NEB: variants seen among roughly 807,000 people sequenced by gnomAD.
NEB encodes the protein nebulin.
In NEB, 512 loss-of-function variants were observed where a neutral mutation model predicts 952.2. That is an observed-to-expected ratio of 0.54 (90% confidence interval 0.50 to 0.58). NEB has a LOEUF of 0.58. Among genes scored for constraint, NEB ranks in the 20% least tolerant of loss-of-function variants. The probability of loss-of-function intolerance (pLI) is 0.00; values close to 1 mark genes in which losing one functional copy is unlikely to be tolerated. For missense variants in NEB, 8,428 were observed against 9,231.1 expected (o/e 0.91, Z 3.56); for synonymous variants, 2,900 against 3,149.8 (o/e 0.92, Z 2.66).
chr2:151,553,985 A>G lies in NEB; in HGVS notation c.19469T>C (p.Ile6490Thr). The change falls in exon 126 of 182, where the codon ATC becomes ACC. Residue 6490 changes from isoleucine (I) to threonine (T), a missense_variant. Coordinates refer to ENST00000397345, the MANE Select transcript of NEB (RefSeq NM_001164508.2). ...RSVYEKNKMK[I>T]HIVPDMVEMV... The stretch of plus-strand genomic sequence containing the variant: ...CTCTACCATGTCGGGCACGATGTGG[A>G]TTTTCATCTTGTTCTTTTCATAAAC... 1 of 1,613,742 alleles carries G rather than the reference A, an allele frequency of 6.2e-7. No individual in the cohort carries two copies. The highest frequency in any genetic ancestry group is 8.5e-7 in the Non-Finnish European group (1 of 1,179,756).
chr2:151,494,284 A>G, intron 173 of NEB, 31 bp from the exon 174 acceptor site: 1 of 1,432,280 alleles, frequency 7.0e-7, no homozygotes, highest in Non-Finnish European at 9.6e-7. Context: ...CAAAAAGCCA[A>G]AAAGAAAAAG....
At chr2:151,528,234 G>A (rs1230238255) in intron 146 of NEB, among the ~76,000 whole-genome samples, 1 of 152,178 alleles carries the variant, frequency 6.6e-6, no homozygotes, top group Non-Finnish European at 1.5e-5. Flanking sequence ...CCACAGAAGT[G>A]TATGTAATTT....
Position 151,498,331 on chromosome 2 carries a change from C to T in NEB, c.24136G>A (p.Gly8046Arg), listed in dbSNP as rs1248225972. 1 of 1,550,984 alleles carries T rather than the reference C, an allele frequency of 6.4e-7. No individual in the cohort carries two copies. Among genetic ancestry groups the T allele is most frequent in the Admixed American group, 2.0e-5 (1 of 50,926 alleles). The part of the protein sequence containing the change: ...FSSVLYKENL[G>R]TGIPIPITPE... ...GTGATGGGGATTGGAATTCCTGTCC[C>T]CAGGTTTTCTTTGTATAGCACCTGT... The change falls in exon 170 of 182, where the codon GGG becomes AGG. Residue 8046 changes from glycine (G) to arginine (R), a missense_variant. This residue lies in a region of NEB where 3,374 missense variants were observed against 3,651.5 expected (regional missense o/e 0.92). Coordinates refer to ENST00000397345, the MANE Select transcript of NEB (RefSeq NM_001164508.2).
intron 64 of NEB, among the ~76,000 whole-genome samples, chr2:151,635,220 C>G (rs1454201603): frequency 6.6e-6 from 1 of 152,084 alleles, no homozygotes; most frequent in Non-Finnish European, 1.5e-5. Flanking sequence ...ATTATTATGT[C>G]ATTATTTATT....
intron 38 of NEB, 95 bp from the exon 39 acceptor site, chr2:151,669,226 G>T: frequency 1.1e-6 from 1 of 890,168 alleles, no homozygotes; most frequent in Non-Finnish European, 1.8e-6. Flanking sequence ...GCTATCATTT[G>T]TGTTTTCCAT....
chr2:151,496,156 C>CTA, intron 173 of NEB, 120 bp downstream of exon 173: 1 of 1,171,898 alleles, frequency 8.5e-7, no homozygotes, highest in South Asian at 1.4e-5. Context: ...GGTAAATTTG[C>CTA]TAAAGAAATT....
intron 107 of NEB, among the ~76,000 whole-genome samples, chr2:151,573,920 G>C (rs1257652706): frequency 6.6e-6 from 1 of 151,712 alleles, no homozygotes; most frequent in South Asian, 2.1e-4. Flanking sequence ...TGCAAATAAT[G>C]ATAATTTGGC....
At position 151,631,193 on chromosome 2, in the gene NEB, C is replaced by T; in HGVS notation, c.9568G>A (p.Asp3190Asn). 6.2e-7 allele frequency: 1 copy of T among 1,613,928 alleles called. No homozygotes were observed. The highest frequency in any genetic ancestry group is 8.5e-7 in the Non-Finnish European group (1 of 1,179,866). ...PDKLKFTSVT[D>N]SLEQVLAKNN... ...TTGGCCAGCACCTGCTCTAGAGAAT[C>T]AGTCACACTGGTAAATTTCAGCTTG... The change falls in exon 66 of 182, where the codon GAT becomes AAT. Residue 3190 changes from aspartate to asparagine, a missense_variant. Asp to Asn is a conservative substitution (Grantham distance 23). Coordinates refer to ENST00000397345, the MANE Select transcript of NEB (RefSeq NM_001164508.2).
rs2068064967 is a variant in NEB, at chr2:151,505,461, G to A, written c.23742+17C>T. The A allele has an allele frequency of 6.2e-7, 1 of 1,604,958 alleles. No individual in the cohort carries two copies. Among genetic ancestry groups the A allele is most frequent in the Non-Finnish European group, 8.5e-7 (1 of 1,172,026 alleles). On this transcript the variant is annotated intron_variant, in intron 165 of 181. Coordinates refer to ENST00000397345, the MANE Select transcript of NEB (RefSeq NM_001164508.2). ...ATGGCCAGTCACACAAATGGAAGCT[G>A]AGAGTATGGCCACTACCGAGCTAAT...
At chr2:151,698,291 T>C (rs997299981) in intron 13 of NEB, among the ~76,000 whole-genome samples, 1 of 152,198 alleles carries the variant, frequency 6.6e-6, no homozygotes, top group Non-Finnish European at 1.5e-5. Flanking sequence ...TACAATTCAA[T>C]GGATTTTAGT....
chr2:151,684,739 CT>C, intron 28 of NEB, 38 bp downstream of exon 28: 1 of 1,484,138 alleles, frequency 6.7e-7, no homozygotes, highest in Admixed American at 2.4e-5. Context: ...CAGTTTCCAT[CT>C]TTTTAAAAGA....
At chr2:151,625,688 C>T (rs1410786280) in intron 70 of NEB, 50 bp from the exon 71 acceptor site, 16 of 1,309,374 alleles carry the variant, frequency 1.2e-5, no homozygotes, top group Non-Finnish European at 1.7e-5. Flanking sequence ...TTGTTGTAAA[C>T]AGGAGTTTTC....
At position 151,551,797 on chromosome 2, in the gene NEB, G is replaced by T. The variant is rs750375788; in HGVS notation, c.19885C>A (p.Pro6629Thr). 1 of 1,613,430 alleles carries T rather than the reference G, an allele frequency of 6.2e-7. No homozygotes were observed. The change falls in exon 129 of 182, where the codon CCA (proline) becomes ACA (threonine). Residue 6629 changes from proline (P) to threonine (T), a missense_variant. Coordinates refer to ENST00000397345, the MANE Select transcript of NEB (RefSeq NM_001164508.2). ...YVHSVRGKVA[P>T]TTKTVDLDRA... ...TCCAGATCCACGGTTTTGGTAGTTG[G>T]AGCCACTTTGCCTCTGACACTGTGC...
At chr2:151,530,096 A>G (rs1432631616) in intron 145 of NEB, among the ~76,000 whole-genome samples, 1 of 152,214 alleles carries the variant, frequency 6.6e-6, no homozygotes, top group African/African-American at 2.4e-5. Context: ...CTTAAGGGCA[A>G]AAACTGTTTA....
intron 27 of NEB, 57 bp downstream of exon 27, chr2:151,687,362 G>A: frequency 1.4e-6 from 2 of 1,427,952 alleles, no homozygotes; most frequent in East Asian, 2.3e-5. Context: ...TACTACCCTT[G>A]GGCATCGTAA....
intron 159 of NEB, 27 bp downstream of exon 159, chr2:151,514,291 C>A: frequency 6.8e-7 from 1 of 1,469,990 alleles, no homozygotes; most frequent in Non-Finnish European, 9.5e-7. Flanking sequence ...GTATGAATTA[C>A]GTGCAGGCAG....
chr2:151,653,864 AG>A, intron 52 of NEB, 127 bp downstream of exon 52: 2 of 551,086 alleles, frequency 3.6e-6, no homozygotes, highest in Non-Finnish European at 3.2e-6. Flanking sequence ...ATAAATGAAG[AG>A]GGTAGGAGAA....
chr2:151,632,454 T>A (rs1421316996), intron 65 of NEB, among the ~76,000 whole-genome samples: 2 of 151,882 alleles, frequency 1.3e-5, no homozygotes, highest in African/African-American at 4.8e-5. Flanking sequence ...GGGGGGCAGA[T>A]CACCTGAGGT....
chr2:151,490,573 A>G (rs1030792299), intron 179 of NEB, 55 bp from the exon 180 acceptor site: 88 of 1,569,106 alleles, frequency 5.6e-5, no homozygotes, highest in Non-Finnish European at 7.1e-5. Flanking sequence ...CTATGGTAGT[A>G]ATGCCTAACA....
Sources: allele counts gnomAD v4.1 joint callset (sites outside exome capture counted in the v4.1 genomes callset), GRCh38; gene constraint gnomAD v4.1.1; regional missense constraint gnomAD v4.1.1; transcripts MANE v1.5; gene names NCBI Gene and HGNC (gene_info 2026-07-23, HGNC 2026-07-21).